CNIH3: variants seen among roughly 807,000 people sequenced by gnomAD.
CNIH3 encodes protein cornichon homolog 3.
Under a neutral mutation model 24.1 loss-of-function variants are expected in CNIH3, and 14 were observed. The ratio of observed to expected loss-of-function variants is 0.58; its 90% confidence interval spans 0.38 to 0.91. The LOEUF is 0.91. CNIH3 is among the 40% of genes least tolerant of loss of function. The pLI, the probability that CNIH3 is intolerant of heterozygous loss-of-function variation, is 0.00. For missense variants in CNIH3, 178 were observed against 196.8 expected, an observed-to-expected ratio of 0.90 and a Z score of 0.57; for synonymous variants, 68 against 73.8, an observed-to-expected ratio of 0.92 and a Z score of 0.40.
At chr1:224,445,985 A>G (rs1022545886) in intron 1 of CNIH3, among the ~76,000 whole-genome samples, 1 of 152,202 alleles carries the variant, frequency 6.6e-6, no homozygotes, top group African/African-American at 2.4e-5. Flanking sequence ...CAGTTGACCC[A>G]CACCACAGGG....
At chr1:224,675,194 G>A (rs1368667199) in intron 1 of CNIH3, among the ~76,000 whole-genome samples, 3 of 152,142 alleles carry the variant, frequency 2.0e-5, no homozygotes, top group Admixed American at 6.5e-5. Flanking sequence ...GGGTGGCTCC[G>A]AATATAAATC....
intron 1 of CNIH3, chr1:224,459,171 C>T (rs1675801639): frequency 2.1e-6 from 2 of 952,274 alleles, no homozygotes; most frequent in African/African-American, 3.6e-5. Flanking sequence ...CTTTGCCTTC[C>T]CCTCTTTCTT....
chr1:224,536,945 G>C (rs923671704), exon 3 of CNIH3: 1 of 152,220 alleles, frequency 6.6e-6, no homozygotes, highest in Non-Finnish European at 1.5e-5. Flanking sequence ...GGATTGTGGT[G>C]AGGAGCAAAT....
intron 2 of CNIH3, among the ~76,000 whole-genome samples, chr1:224,546,340 A>G (rs945683100): frequency 6.6e-6 from 1 of 152,218 alleles, no homozygotes; most frequent in Non-Finnish European, 1.5e-5. Flanking sequence ...AAAAATGACA[A>G]TAGAACACAG....
chr1:224,704,668 C>T lies in CNIH3; in HGVS notation c.198+19825C>T, dbSNP rs1444202877. ...CATCATGGATCTGCATCCCCAAATA[C>T]ATCCTCCGACATAACCACAATACCA... On this transcript the variant is annotated intron_variant, in intron 3 of 5. Transcript: ENST00000272133. This position sits in a 1 kb window ranked among gnomAD's most constrained non-coding sequence, Gnocchi z 4.2. Among the ~76,000 whole-genome samples, 3 of 152,180 alleles carry T rather than the reference C, an allele frequency of 2.0e-5. No individual in the cohort carries two copies. The highest frequency in any genetic ancestry group is 2.9e-5 in the Non-Finnish European group (2 of 68,028).
chr1:224,467,269 A>G (rs1052308448), intron 1 of CNIH3, among the ~76,000 whole-genome samples: 1 of 152,174 alleles, frequency 6.6e-6, no homozygotes, highest in African/African-American at 2.4e-5. Context: ...TGCTAGACTC[A>G]AGCCATCTGC....
intron 1 of CNIH3, among the ~76,000 whole-genome samples, chr1:224,501,832 C>T (rs559853592): frequency 2.3e-4 from 35 of 152,024 alleles, no homozygotes; most frequent in African/African-American, 8.0e-4. Flanking sequence ...CCACCTGCCT[C>T]GGCCTCCCAA....
At chr1:224,675,214 G>A (rs990513821) in intron 1 of CNIH3, among the ~76,000 whole-genome samples, 7 of 152,198 alleles carry the variant, frequency 4.6e-5, no homozygotes, top group African/African-American at 1.4e-4. Context: ...CTGCAGATTT[G>A]ACAACTTCGA....
At chr1:224,507,135 G>A (rs1242846230) in intron 1 of CNIH3, among the ~76,000 whole-genome samples, 1 of 152,146 alleles carries the variant, frequency 6.6e-6, no homozygotes, top group Non-Finnish European at 1.5e-5. Flanking sequence ...ACAGTGCTGG[G>A]ATTACAGGCA....
At chr1:224,663,752 T>A (rs1216638541) in intron 1 of CNIH3, among the ~76,000 whole-genome samples, 1 of 152,216 alleles carries the variant, frequency 6.6e-6, no homozygotes, top group Non-Finnish European at 1.5e-5. Flanking sequence ...GATGCAGATG[T>A]CACATTTCAA....
intron 3 of CNIH3, among the ~76,000 whole-genome samples, chr1:224,708,295 C>T (rs1045077207): frequency 6.6e-6 from 1 of 152,208 alleles, no homozygotes; most frequent in African/African-American, 2.4e-5. Flanking sequence ...CTCTGACTCA[C>T]TCTGGAGCAT....
intron 1 of CNIH3, among the ~76,000 whole-genome samples, chr1:224,665,594 C>T (rs1220280414): frequency 6.6e-6 from 1 of 152,136 alleles, no homozygotes; most frequent in African/African-American, 2.4e-5. Context: ...TCCTGCAATC[C>T]TCGAGGCACT....
intron 1 of CNIH3, among the ~76,000 whole-genome samples, chr1:224,505,842 T>C (rs1677886661): frequency 6.6e-6 from 1 of 152,230 alleles, no homozygotes; most frequent in Non-Finnish European, 1.5e-5. Context: ...AAACTGCCAA[T>C]TGATTACCAA....
intron 1 of CNIH3, among the ~76,000 whole-genome samples, chr1:224,495,440 G>A (rs747964129): frequency 6.6e-5 from 10 of 152,152 alleles, no homozygotes; most frequent in Non-Finnish European, 8.8e-5. Flanking sequence ...GAATTCATTC[G>A]TTCATCAAAT....
chr1:224,438,890 A>G lies in CNIH3; in HGVS notation n.203+4028A>G, dbSNP rs145177915. 1.6e-4 allele frequency among the ~76,000 whole-genome samples: 25 copies of G among 152,370 alleles called. No homozygotes were observed. In the East Asian group the frequency reaches 3.7e-3, roughly 22 times the overall value. ...GAATATAACAAATATTTGGAAAAGT[A>G]CTATGTTGAAATATTTTAAAATAAA... On this transcript the variant is annotated intron_variant and non_coding_transcript_variant, in intron 1 of 5. Coordinates refer to the CNIH3 transcript ENST00000471578.
upstream of CNIH3, among the ~76,000 whole-genome samples, chr1:224,612,639 G>A (rs149376119): frequency 1.3e-3 from 199 of 152,326 alleles, no homozygotes; most frequent in African/African-American, 3.2e-3. This position sits in a 1 kb window ranked among gnomAD's most constrained non-coding sequence, Gnocchi z 4.7. Flanking sequence ...GGTTCCCCTA[G>A]ATACCTGGCA....
At chr1:224,464,154 C>T (rs955549171) in intron 1 of CNIH3, among the ~76,000 whole-genome samples, 1 of 151,980 alleles carries the variant, frequency 6.6e-6, no homozygotes, top group Non-Finnish European at 1.5e-5. Context: ...TGATGGAGTT[C>T]ACTTTATATT....
Position 224,564,366 on chromosome 1 carries a change from A to T in CNIH3, n.451-1833A>T, listed in dbSNP as rs183510160. Among the ~76,000 whole-genome samples the T allele has an allele frequency of 2.8e-3, 433 of 152,300 alleles. 1 individual carries two copies. The highest frequency in any genetic ancestry group is 9.9e-3 in the African/African-American group (412 of 41,564). On this transcript the variant is annotated intron_variant and non_coding_transcript_variant, in intron 3 of 5. Coordinates refer to the CNIH3 transcript ENST00000471578. ...TGATTTAGCTCTAACCATGACATGA[A>T]TTTTTTGAGGAATAAAATCTATTAT...
At chr1:224,484,015 A>G (rs1676924257) in intron 1 of CNIH3, among the ~76,000 whole-genome samples, 1 of 152,046 alleles carries the variant, frequency 6.6e-6, no homozygotes, top group African/African-American at 2.4e-5. Flanking sequence ...TACTAAAAAT[A>G]CAAAAATTAG....
Sources: allele counts gnomAD v4.1 joint callset (sites outside exome capture counted in the v4.1 genomes callset), GRCh38; gene constraint gnomAD v4.1.1; non-coding constraint Gnocchi (gnomAD v3.1); transcripts MANE v1.5; gene names NCBI Gene and HGNC (gene_info 2026-07-23, HGNC 2026-07-21).